Variants in GRHL1 observed in about 807,000 individuals in gnomAD.
GRHL1 encodes grainyhead-like protein 1 homolog.
A neutral mutation model predicts 75.7 loss-of-function variants in GRHL1; 38 were observed. The observed-to-expected ratio is 0.50, with a 90% confidence interval of 0.39 to 0.66. The LOEUF is 0.66. Among genes scored for constraint, GRHL1 ranks in the 30% least tolerant of loss-of-function variants. GRHL1 has a pLI of 0.00. For synonymous variants in GRHL1, 266 were observed against 279.4 expected (o/e 0.95, Z 0.48); for missense variants, 589 against 767.5 (o/e 0.77, Z 2.75).
At chr2:9,979,501 C>CCA (rs1354085764) in intron 8 of GRHL1, among the ~76,000 whole-genome samples, 2 of 152,150 alleles carry the variant, frequency 1.3e-5, no homozygotes, top group African/African-American at 4.8e-5. Flanking sequence ...CAGGTGTGAG[C>CCA]CACTGCCTGG....
rs759542651 is a variant in GRHL1 at position 9,995,956 on chromosome 2, A to G, written c.1577A>G (p.Glu526Gly). ...VPPSTKLARI[E>G]EPKRVLLYVR... Reference sequence around the variant, plus strand: ...CCTTCTACCAAGCTGGCCCGGATAGAAGAACCAAAGAGAGGTGTGTTCGTT... The same window carrying G: ...CCTTCTACCAAGCTGGCCCGGATAGGAGAACCAAAGAGAGGTGTGTTCGTT... The change falls in exon 13 of 16, where the codon GAA becomes GGA. Residue 526 changes from glutamate to glycine, a missense_variant. Physicochemically the swap from Glu to Gly is moderately conservative, Grantham distance 98 (BLOSUM62 -2). Transcript: ENST00000324907. The G allele has an allele frequency of 2.5e-6, 4 of 1,600,426 alleles. No individual in the cohort carries two copies. The Admixed American group carries it at 5.0e-5, about 20-fold the overall frequency.
chr2:9,989,267 C>A (rs67093290), intron 9 of GRHL1, among the ~76,000 whole-genome samples: 30,310 of 151,966 alleles, frequency 0.2, 3,127 homozygotes, highest in African/African-American at 0.25. Context: ...TCTTTTTGCT[C>A]TCAGCAAATT....
chr2:9,954,915 C>T lies in GRHL1; in HGVS notation c.21C>T (p.Asn7=). 1 of 1,611,438 alleles carries T rather than the reference C, an allele frequency of 6.2e-7. No homozygotes were observed. The highest frequency in any genetic ancestry group is 8.5e-7 in the Non-Finnish European group (1 of 1,177,706). ...TGTTTTTTTTTTAATTTCTCTGAAG[C>T]AAACGGCCAGTGTTGGTTCTTCAGA... MTQEYD[N]KRPVLVLQNE... The change falls in exon 2 of 16, where the codon AAC becomes AAT. Residue 7 remains asparagine, a splice_region_variant and synonymous_variant. Coordinates refer to ENST00000324907, the MANE Select transcript of GRHL1 (RefSeq NM_198182.3).
chr2:9,964,321 C>A lies in GRHL1; in HGVS notation c.990C>A (p.Thr330=), dbSNP rs535127574. 8.6e-5 allele frequency: 138 copies of A among 1,604,354 alleles called. No homozygotes were observed. The East Asian group carries it at 1.1e-3, about 12-fold the overall frequency. ...AGTACTGGCACTCCCGGCAGCACAC[C>A]GCTAAACAAAGATGCATTGACATAG... ...HWKYWHSRQH[T]AKQRCIDIAD... Residue 330 remains threonine (T), a synonymous_variant, in exon 7 of 16, where the codon ACC becomes ACA. Transcript: ENST00000324907.
Position 9,951,937 on chromosome 2 carries a change from C to T in GRHL1, c.20+84C>T. The T allele has an allele frequency of 1.1e-6, 1 of 891,982 alleles. No individual in the cohort carries two copies. The allele number at this position is 891,982 out of a possible 1,614,324, so 55.3% of individuals were successfully genotyped here. A position where few individuals can be genotyped will look rare whatever the true frequency, so the allele number is the denominator to read the frequency against. ...GCAGCGAGCGAGCCGGGCGCAGACC[C>T]GAGGCCGCGCGGGCGGGCGGGCGCG... On this transcript the variant is annotated intron_variant, in intron 1 of 15. Coordinates refer to ENST00000324907, the MANE Select transcript of GRHL1 (RefSeq NM_198182.3). This position sits in a 1 kb window ranked among gnomAD's most constrained non-coding sequence, Gnocchi z 4.2.
chr2:9,977,598 C>T (rs1668001868), intron 8 of GRHL1, among the ~76,000 whole-genome samples: 1 of 152,234 alleles, frequency 6.6e-6, no homozygotes, highest in Non-Finnish European at 1.5e-5. Flanking sequence ...CTGGGATTAA[C>T]AGGCATGAGC....
Position 9,955,094 on chromosome 2 carries a change from A to G in GRHL1, c.200A>G (p.Tyr67Cys), listed in dbSNP as rs1666955419. Residue 67 changes from tyrosine (Y) to cysteine (C), a missense_variant, in exon 2 of 16, where the codon TAC becomes TGC. This residue lies in a region of GRHL1 where 362 missense variants were observed against 461.8 expected (regional missense o/e 0.78). Transcript: ENST00000324907. Reference sequence around the variant, plus strand: ...GCTGCGCTGGGCCTGCTCTATGACTACTACAAGGTGGGTTTGCCTGCCTTT... The same window carrying G: ...GCTGCGCTGGGCCTGCTCTATGACTGCTACAAGGTGGGTTTGCCTGCCTTT... ...SAAALGLLYDYYKVPRERRSS... is the reference protein window; with the variant it reads ...SAAALGLLYDCYKVPRERRSS... The G allele has an allele frequency of 1.9e-6, 3 of 1,609,648 alleles. No homozygotes were observed. The highest frequency in any genetic ancestry group is 4.5e-5 in the East Asian group (2 of 44,838).
At chr2:9,975,340 C>T (rs758694643) in intron 8 of GRHL1, among the ~76,000 whole-genome samples, 5 of 152,190 alleles carry the variant, frequency 3.3e-5, no homozygotes, top group African/African-American at 4.8e-5. Flanking sequence ...AGTGAATACA[C>T]ACAATAGAAA....
At chr2:9,995,761 GAC>G in intron 12 of GRHL1, 116 bp from the exon 13 acceptor site, 1 of 672,992 alleles carries the variant, frequency 1.5e-6, no homozygotes, top group Non-Finnish European at 2.7e-6. Flanking sequence ...AAGGAAGCTG[GAC>G]CAGATAAAGA....
rs867288701 is a variant in GRHL1, at chr2:9,961,304, C to G, written c.537C>G (p.Pro179=). 6.2e-7 allele frequency: 1 copy of G among 1,614,078 alleles called. No individual in the cohort carries two copies. The highest frequency in any genetic ancestry group is 1.3e-5 in the African/African-American group (1 of 74,920). ...GIPPAVYHPE[P]TERVVVFDRN... is the part of the protein sequence containing the mutation. ...CCCCAGCAGTGTATCATCCTGAGCCCACTGAGCGGGTGGTGGTTTTCGATC... is the reference window on the plus strand; with the variant it reads ...CCCCAGCAGTGTATCATCCTGAGCCGACTGAGCGGGTGGTGGTTTTCGATC... Residue 179 remains proline, a synonymous_variant, in exon 4 of 16, where the codon CCC becomes CCG. Coordinates refer to ENST00000324907, the MANE Select transcript of GRHL1 (RefSeq NM_198182.3).
At chr2:9,988,939 A>G (rs557087376) in intron 9 of GRHL1, among the ~76,000 whole-genome samples, 4 of 152,070 alleles carry the variant, frequency 2.6e-5, no homozygotes, top group Admixed American at 2.6e-4. Flanking sequence ...ATAGGACTGC[A>G]CCCTCCACCT....
At chr2:9,972,076 G>T (rs145843094) in intron 8 of GRHL1, among the ~76,000 whole-genome samples, 1 of 152,272 alleles carries the variant, frequency 6.6e-6, no homozygotes, top group East Asian at 1.9e-4. Context: ...ACCAGGGAGG[G>T]ACTTGGCAGC....
rs552724636 is a variant in GRHL1, at chr2:9,996,398, A to G, written c.1674A>G (p.Glu558=). The G allele has an allele frequency of 1.3e-6, 2 of 1,590,372 alleles. No individual in the cohort carries two copies. The highest frequency in any genetic ancestry group is 1.7e-6 in the Non-Finnish European group (2 of 1,158,278). The change falls in exon 14 of 16, where the codon GAA becomes GAG. Residue 558 remains glutamate, a synonymous_variant. Transcript: ENST00000324907. ...CCCCATCTTTGAAGGGCTTGATGGA[A>G]GCTGTAAGTAGGATCAACTCTGTAA... is the stretch of plus-strand genomic sequence containing the variant. ...LKTPSLKGLM[E]AISDKYDVPH...
intron 8 of GRHL1, among the ~76,000 whole-genome samples, chr2:9,982,857 A>G (rs1324360393): frequency 6.6e-6 from 1 of 152,246 alleles, no homozygotes; most frequent in Non-Finnish European, 1.5e-5. Flanking sequence ...GTCACCAGTA[A>G]AAACAGTATG....
chr2:10,000,580 C>T lies in GRHL1; in HGVS notation c.1743-13C>T, dbSNP rs1669223237. On this transcript the variant is annotated splice_polypyrimidine_tract_variant and intron_variant, in intron 15 of 15. Coordinates refer to ENST00000324907, the MANE Select transcript of GRHL1 (RefSeq NM_198182.3). ...GGCAGTGAAGTTGGTTGGTCTTGTC[C>T]CCCCCCATCCAGGATCCTGGTGAAC... The T allele has an allele frequency of 6.5e-7, 1 of 1,544,706 alleles. No homozygotes were observed. Among genetic ancestry groups the T allele is most frequent in the Non-Finnish European group, 8.9e-7 (1 of 1,118,126 alleles).
At chr2:9,981,215 C>T (rs1572369292) in intron 8 of GRHL1, among the ~76,000 whole-genome samples, 2 of 152,174 alleles carry the variant, frequency 1.3e-5, no homozygotes, top group African/African-American at 4.8e-5. Context: ...CATAAAGCTC[C>T]CCGGAAGCTG....
At chr2:9,964,385 C>G in intron 7 of GRHL1, 39 bp downstream of exon 7, 3 of 1,049,776 alleles carry the variant, frequency 2.9e-6, no homozygotes, top group Non-Finnish European at 4.3e-6. Context: ...CCCAGAGGTG[C>G]AGCCATCCAG....
chr2:9,958,741 T>G (rs374807242), intron 2 of GRHL1, 45 bp from the exon 3 acceptor site: 5 of 1,456,878 alleles, frequency 3.4e-6, no homozygotes, highest in Non-Finnish European at 4.8e-6. Flanking sequence ...TAAACTGCAC[T>G]TCACTGGATA....
chr2:9,979,247 T>C (rs532903198), intron 8 of GRHL1, among the ~76,000 whole-genome samples: 16,373 of 140,336 alleles, frequency 0.12, 1,095 homozygotes, highest in African/African-American at 0.18. Context: ...TTTTTTTTTT[T>C]ACTCTAAAGA....
Sources: allele counts gnomAD v4.1 joint callset (sites outside exome capture counted in the v4.1 genomes callset), GRCh38; gene constraint gnomAD v4.1.1; regional missense constraint gnomAD v4.1.1; non-coding constraint Gnocchi (gnomAD v3.1); transcripts MANE v1.5; gene names NCBI Gene and HGNC (gene_info 2026-07-23, HGNC 2026-07-21).